ZNF804B: variants seen among roughly 807,000 people sequenced by gnomAD.
ZNF804B encodes zinc finger protein 804B.
Under a neutral mutation model 101.4 loss-of-function variants are expected in ZNF804B, and 80 were observed. That is an observed-to-expected ratio of 0.79 (90% CI 0.66 to 0.95). ZNF804B has a LOEUF of 0.95. ZNF804B is among the 40% of genes least tolerant of loss of function. The probability of loss-of-function intolerance (pLI) is 0.00; values close to 1 mark genes in which losing one functional copy is unlikely to be tolerated. For synonymous variants in ZNF804B, 622 were observed against 558.8 expected (o/e 1.11, Z -1.59); for missense variants, 1,673 against 1,561.9 (o/e 1.07, Z -1.20).
intron 1 of ZNF804B, among the ~76,000 whole-genome samples, chr7:88,861,630 A>G (rs1259491543): frequency 2.0e-5 from 3 of 152,194 alleles, no homozygotes; most frequent in African/African-American, 7.2e-5. Context: ...TTTGATACCC[A>G]GTGTCTCCAG....
At chr7:89,096,497 A>G (rs1222028315) in intron 1 of ZNF804B, among the ~76,000 whole-genome samples, 1 of 152,080 alleles carries the variant, frequency 6.6e-6, no homozygotes, top group Non-Finnish European at 1.5e-5. Flanking sequence ...GGTTGTTTTT[A>G]GTGGTTGCTT....
intron 1 of ZNF804B, among the ~76,000 whole-genome samples, chr7:88,900,152 T>C (rs1473018261): frequency 6.6e-6 from 1 of 152,114 alleles, no homozygotes; most frequent in East Asian, 1.9e-4. Context: ...GCTGGCATAC[T>C]TTATGTATAC....
chr7:88,863,136 G>A (rs1791675137), intron 1 of ZNF804B, among the ~76,000 whole-genome samples: 1 of 152,112 alleles, frequency 6.6e-6, no homozygotes, highest in African/African-American at 2.4e-5. Context: ...ACACTTGCCT[G>A]TTTTCAAATC....
chr7:89,036,704 T>C (rs1192820511), intron 1 of ZNF804B, among the ~76,000 whole-genome samples: 1 of 152,110 alleles, frequency 6.6e-6, no homozygotes, highest in Non-Finnish European at 1.5e-5. Context: ...CCTGATTTCC[T>C]GGTAATCTAA....
chr7:89,293,504 G>T (rs746914616), intron 2 of ZNF804B, among the ~76,000 whole-genome samples: 1 of 152,080 alleles, frequency 6.6e-6, no homozygotes, highest in African/African-American at 2.4e-5. Flanking sequence ...GCAGAAATGG[G>T]CCAGGCGTGG....
chr7:88,989,490 C>T (rs949543149), intron 1 of ZNF804B, among the ~76,000 whole-genome samples: 6 of 152,132 alleles, frequency 3.9e-5, no homozygotes, highest in Non-Finnish European at 5.9e-5. Flanking sequence ...TCCTATTTCT[C>T]TCAAGGAATA....
At chr7:89,306,487 A>G (rs1221817161) in intron 2 of ZNF804B, among the ~76,000 whole-genome samples, 2 of 133,524 alleles carry the variant, frequency 1.5e-5, no homozygotes, top group East Asian at 3.9e-4. Context: ...ATCTCAACTG[A>G]TCGTGTCTTT....
chr7:89,095,373 TA>T (rs1287520753), intron 1 of ZNF804B, among the ~76,000 whole-genome samples: 5 of 152,192 alleles, frequency 3.3e-5, no homozygotes, highest in Non-Finnish European at 7.3e-5. Flanking sequence ...AATAAACATT[TA>T]TTTTTTTGTA....
At chr7:88,871,925 G>C (rs551237622) in intron 1 of ZNF804B, among the ~76,000 whole-genome samples, 7 of 151,984 alleles carry the variant, frequency 4.6e-5, no homozygotes, top group Admixed American at 1.3e-4. Context: ...CCAAGATTGC[G>C]CCATTACACT....
chr7:89,095,758 G>A (rs916735323), intron 1 of ZNF804B, among the ~76,000 whole-genome samples: 3 of 152,132 alleles, frequency 2.0e-5, no homozygotes, highest in African/African-American at 7.2e-5. Flanking sequence ...TTTGTTTCCT[G>A]TTAAGTTTTT....
At position 89,309,617 on chromosome 7, in the gene ZNF804B, G is replaced by A. The variant is rs113648775; in HGVS notation, c.250-17727G>A. ...TCTACTAAAAATACAAAAATTAGTC[G>A]GGTGTGGTGGCACACACCTGTAGTC... On this transcript the variant is annotated intron_variant, in intron 2 of 3. Coordinates refer to ENST00000333190, the MANE Select transcript of ZNF804B (RefSeq NM_181646.5). Among the ~76,000 whole-genome samples, 726 of 151,448 alleles carry A rather than the reference G, an allele frequency of 4.8e-3. 4 individuals carry two copies. The highest frequency in any genetic ancestry group is 0.016 in the African/African-American group (677 of 41,296).
intron 1 of ZNF804B, among the ~76,000 whole-genome samples, chr7:88,899,788 T>A (rs983785316): frequency 4.6e-5 from 7 of 152,192 alleles, no homozygotes; most frequent in Non-Finnish European, 2.9e-5. Flanking sequence ...TATCTCCTTC[T>A]ATGTACTAAA....
chr7:89,018,023 A>G (rs1254187523), intron 1 of ZNF804B, among the ~76,000 whole-genome samples: 3 of 152,020 alleles, frequency 2.0e-5, no homozygotes, highest in African/African-American at 4.8e-5. Flanking sequence ...ATCTTGCCTA[A>G]TTGTTCGAGC....
chr7:89,259,849 A>G (rs1426397363), intron 2 of ZNF804B, among the ~76,000 whole-genome samples: 1 of 152,082 alleles, frequency 6.6e-6, no homozygotes, highest in Non-Finnish European at 1.5e-5. Context: ...GCATGGTGGC[A>G]GATGCCTGTA....
At chr7:88,765,648 A>C (rs1044102097) in intron 1 of ZNF804B, among the ~76,000 whole-genome samples, 1 of 152,190 alleles carries the variant, frequency 6.6e-6, no homozygotes, top group African/African-American at 2.4e-5. Context: ...TTGAAATAAA[A>C]ATGCTACTTT....
At position 89,338,468 on chromosome 7, in the gene ZNF804B, C is replaced by A. The variant is rs1267408268; in HGVS notation, c.*1436C>A. On this transcript the variant is annotated 3_prime_UTR_variant, in exon 4 of 4. Transcript: ENST00000333190. ...AAATAGAAAGGTTAAATACTAAATA[C>A]TTGGTAAACAGTAGGAAAGGACATC... Among the ~76,000 whole-genome samples, 2 of 151,836 alleles carry A rather than the reference C, an allele frequency of 1.3e-5. No individual in the cohort carries two copies. Among genetic ancestry groups the A allele is most frequent in the African/African-American group, 4.8e-5 (2 of 41,346 alleles).
At chr7:89,229,185 G>A (rs1025384085) in intron 2 of ZNF804B, among the ~76,000 whole-genome samples, 3 of 152,204 alleles carry the variant, frequency 2.0e-5, no homozygotes, top group Non-Finnish European at 4.4e-5. Flanking sequence ...ACTGTGCAGC[G>A]GCGGGCTGAA....
chr7:89,124,891 A>C (rs968693716), intron 1 of ZNF804B, among the ~76,000 whole-genome samples: 7 of 152,070 alleles, frequency 4.6e-5, no homozygotes, highest in Admixed American at 3.9e-4. Context: ...GTTCTCATTC[A>C]AGAGTCCATC....
chr7:89,067,281 C>G (rs112966185), intron 1 of ZNF804B, among the ~76,000 whole-genome samples: 4 of 152,110 alleles, frequency 2.6e-5, no homozygotes, highest in Non-Finnish European at 4.4e-5. Flanking sequence ...AATTGTAGAC[C>G]GAGTTGTTGA....
Sources: allele counts gnomAD v4.1 joint callset (sites outside exome capture counted in the v4.1 genomes callset), GRCh38; gene constraint gnomAD v4.1.1; transcripts MANE v1.5; gene names NCBI Gene and HGNC (gene_info 2026-07-23, HGNC 2026-07-21).